SLX9: variants seen among roughly 807,000 people sequenced by gnomAD.
SLX9 encodes ribosome biogenesis protein SLX9 homolog.
A neutral mutation model predicts 20.8 loss-of-function variants in SLX9; 19 were observed. That is an observed-to-expected ratio of 0.91 (90% CI 0.64 to 1.34). The LOEUF (loss-of-function observed/expected upper bound fraction) is 1.34, where lower values mean the gene tolerates loss of function less well. SLX9 is among the 40% of genes most tolerant of loss of function. SLX9 has a pLI of 0.00. For missense variants in SLX9, 299 were observed against 322.2 expected, an observed-to-expected ratio of 0.93 and a Z score of 0.55; for synonymous variants, 113 against 137.1, an observed-to-expected ratio of 0.82 and a Z score of 1.23.
At chr21:44,959,007 G>A (rs1253141389) in intron 2 of SLX9, among the ~76,000 whole-genome samples, 1 of 152,224 alleles carries the variant, frequency 6.6e-6, no homozygotes, top group Non-Finnish European at 1.5e-5. Flanking sequence ...TGCAAAATCA[G>A]CCCCTCCCCT....
intron 2 of SLX9, among the ~76,000 whole-genome samples, chr21:44,952,036 C>T (rs1462594582): frequency 1.4e-5 from 2 of 147,588 alleles, no homozygotes; most frequent in Non-Finnish European, 1.5e-5. Flanking sequence ...GCAGGCTAAG[C>T]CTTCATCGGA....
chr21:44,959,985 G>C, intron 2 of SLX9, 115 bp from the exon 3 acceptor site: 2 of 895,016 alleles, frequency 2.2e-6, no homozygotes, highest in South Asian at 2.8e-5. Flanking sequence ...GCACAGGCCA[G>C]ACCAGTTGCA....
At position 44,959,270 on chromosome 21, in the gene SLX9, A is replaced by T. The variant is rs375331921; in HGVS notation, c.284-830A>T. Reference sequence around the variant, plus strand: ...GCCAGGAAGGTCTGCATGAATTAAAAGAGATACTGGGAGATGTGTTCTGGG... The same window carrying T: ...GCCAGGAAGGTCTGCATGAATTAAATGAGATACTGGGAGATGTGTTCTGGG... On this transcript the variant is annotated intron_variant, in intron 2 of 5. Transcript: ENST00000291634. 4.0e-5 allele frequency: 39 copies of T among 985,290 alleles called. No individual in the cohort carries two copies. The African/African-American group carries it at 5.4e-4, about 14-fold the overall frequency. The allele number at this position is 985,290 out of a possible 1,614,324, so 61.0% of individuals were successfully genotyped here.
intron 4 of SLX9, among the ~76,000 whole-genome samples, chr21:44,968,267 C>A (rs2085077309): frequency 6.6e-6 from 1 of 151,870 alleles, no homozygotes; most frequent in Admixed American, 6.6e-5. Flanking sequence ...AGTGACACAA[C>A]CCCCAGTGAC....
At chr21:44,940,468 G>A (rs1026069774) in intron 1 of SLX9, among the ~76,000 whole-genome samples, 1 of 152,232 alleles carries the variant, frequency 6.6e-6, no homozygotes, top group Non-Finnish European at 1.5e-5. Flanking sequence ...GGACCCCAGA[G>A]GTTCCTGAAT....
intron 3 of SLX9, among the ~76,000 whole-genome samples, chr21:44,963,244 G>C (rs944798396): frequency 6.6e-6 from 1 of 151,840 alleles, no homozygotes; most frequent in Admixed American, 6.6e-5. Flanking sequence ...ACCCGCCACC[G>C]TGCCCGGCTA....
At chr21:44,967,215 T>C (rs2085054368) in intron 4 of SLX9, 34 bp downstream of exon 4, 3 of 1,536,704 alleles carry the variant, frequency 2.0e-6, no homozygotes, top group Non-Finnish European at 2.6e-6. Context: ...CTTTCCGAGC[T>C]GTGGGGCTGA....
intron 3 of SLX9, among the ~76,000 whole-genome samples, chr21:44,963,533 T>G (rs1283911237): frequency 6.6e-6 from 1 of 152,200 alleles, no homozygotes; most frequent in Non-Finnish European, 1.5e-5. Flanking sequence ...TTCTAAAAAC[T>G]TTATAGTTTG....
chr21:44,970,702 C>G (rs1033872916), intron 4 of SLX9, among the ~76,000 whole-genome samples: 9 of 152,210 alleles, frequency 5.9e-5, no homozygotes, highest in African/African-American at 1.9e-4. Context: ...AGGCGAGCAC[C>G]AGTGGCCTGG....
intron 3 of SLX9, among the ~76,000 whole-genome samples, chr21:44,966,153 G>C (rs1242944406): frequency 3.9e-5 from 6 of 152,124 alleles, no homozygotes; most frequent in Non-Finnish European, 8.8e-5. Flanking sequence ...GGTTGGTCAG[G>C]GTGGGCCCTT....
intron 5 of SLX9, among the ~76,000 whole-genome samples, chr21:44,974,799 G>T (rs909036107): frequency 6.6e-6 from 1 of 152,176 alleles, no homozygotes; most frequent in Non-Finnish European, 1.5e-5. Context: ...GACAGTTTGC[G>T]AACAGCAGAG....
At chr21:44,972,227 C>T in intron 4 of SLX9, among the ~76,000 whole-genome samples, 1 of 152,184 alleles carries the variant, frequency 6.6e-6, no homozygotes, top group Admixed American at 6.5e-5. Context: ...CTGGTGTGGC[C>T]TTGCGGGTTC....
At position 44,940,035 on chromosome 21, in the gene SLX9, G is replaced by A. The variant is rs757321722; in HGVS notation, c.-23G>A. Reference sequence around the variant, plus strand: ...CCAGCTTCCGGGAGGCGCTCCGCACGTTTGCCGTGCTCCGCCGGGAAGATG... The same window carrying A: ...CCAGCTTCCGGGAGGCGCTCCGCACATTTGCCGTGCTCCGCCGGGAAGATG... On this transcript the variant is annotated 5_prime_UTR_variant, in exon 1 of 6. Coordinates refer to ENST00000291634, the MANE Select transcript of SLX9 (RefSeq NM_058190.4). The A allele has an allele frequency of 7.0e-7, 1 of 1,422,594 alleles. No individual in the cohort carries two copies. Among genetic ancestry groups the A allele is most frequent in the Non-Finnish European group, 9.2e-7 (1 of 1,089,306 alleles). The allele number at this position is 1,422,594 out of a possible 1,614,324, so 88.1% of individuals were successfully genotyped here.
chr21:44,943,931 C>G (rs2084596381), intron 2 of SLX9, 94 bp downstream of exon 2: 3 of 1,527,178 alleles, frequency 2.0e-6, no homozygotes, highest in Admixed American at 3.7e-5. Context: ...TCCAGCTAAC[C>G]TGTACCTGAC....
In SLX9 at chr21:44,974,241, G is replaced by A. The variant is rs558176955; in HGVS notation, c.569+976G>A. On this transcript the variant is annotated intron_variant, in intron 5 of 5. Coordinates refer to ENST00000291634, the MANE Select transcript of SLX9 (RefSeq NM_058190.4). ...TACTCAGGTGTTTATCAGTGGGAGC[G>A]TTTTGTGTCAGTTCTACCGAGGCCC... Among the ~76,000 whole-genome samples the A allele has an allele frequency of 1.6e-4, 14 of 87,762 alleles. No individual in the cohort carries two copies. In the South Asian group the frequency reaches 0.012, roughly 77 times the overall value. 57.6% of individuals were successfully genotyped at this position (87,762 alleles called of 152,430 possible). A position where few individuals can be genotyped will look rare whatever the true frequency, so the allele number is the denominator to read the frequency against.
chr21:44,969,869 C>T (rs118066330), intron 4 of SLX9, among the ~76,000 whole-genome samples: 2,303 of 152,328 alleles, frequency 0.015, 39 homozygotes, highest in Non-Finnish European at 0.021. Flanking sequence ...TCCCTCGGCC[C>T]GTCTTGGCTG....
At chr21:44,969,000 G>T (rs1416569102) in intron 4 of SLX9, 10 of 371,116 alleles carry the variant, frequency 2.7e-5, no homozygotes, top group Admixed American at 1.6e-4. Flanking sequence ...TGATCCAGCC[G>T]CCTCGGCCTC....
intron 2 of SLX9, 38 bp downstream of exon 2, chr21:44,943,875 G>C: frequency 6.2e-7 from 1 of 1,613,402 alleles, no homozygotes; most frequent in South Asian, 1.1e-5. Context: ...CTGATACCCA[G>C]CAGGTCTGGG....
intron 4 of SLX9, 66 bp downstream of exon 4, chr21:44,967,247 A>G (rs760038943): frequency 8.6e-6 from 13 of 1,511,076 alleles, no homozygotes; most frequent in Non-Finnish European, 1.1e-5. Context: ...AGGTGGAGGG[A>G]TATGAGTGGG....
Sources: gnomAD v4.1 joint callset for allele counts (sites outside exome capture counted in the v4.1 genomes callset) on GRCh38, gnomAD v4.1.1 for gene constraint, MANE v1.5 for transcripts, NCBI Gene and HGNC (gene_info 2026-07-23, HGNC 2026-07-21) for gene names.